Variants in FBXO4 observed in about 807,000 individuals in gnomAD.
The protein encoded by FBXO4 is F-box only protein 4.
In FBXO4, 36 loss-of-function variants were observed where a neutral mutation model predicts 43.7. The ratio of observed to expected loss-of-function variants is 0.82; its 90% CI spans 0.63 to 1.09. The LOEUF (loss-of-function observed/expected upper bound fraction) is 1.09, where lower values mean the gene tolerates loss of function less well. FBXO4 is among the 50% of genes least tolerant of loss of function. The pLI, the probability that FBXO4 is intolerant of heterozygous loss-of-function variation, is 0.00. For missense variants in FBXO4, 435 were observed against 474.1 expected, an observed-to-expected ratio of 0.92 and a Z score of 0.77; for synonymous variants, 180 against 165.6, an observed-to-expected ratio of 1.09 and a Z score of -0.67.
the FBXO4 span, among the ~76,000 whole-genome samples, chr5:42,020,831 A>G: frequency 6.6e-6 from 1 of 152,194 alleles, no homozygotes; most frequent in Non-Finnish European, 1.5e-5. Flanking sequence ...GCAAAGGGAA[A>G]GGGAGTTAGA....
chr5:42,040,199 CTTTG>C, the FBXO4 span, among the ~76,000 whole-genome samples: 127 of 152,052 alleles, frequency 8.4e-4, no homozygotes, highest in Non-Finnish European at 1.5e-3. Flanking sequence ...CTTTTCGCCA[CTTTG>C]TTTTTCTTCA....
In FBXO4 at chr5:41,925,348, G is replaced by A. The variant is rs1172550941; in HGVS notation, c.39G>A (p.Pro13=). 3 of 1,366,074 alleles carry A rather than the reference G, an allele frequency of 2.2e-6. No homozygotes were observed. Among genetic ancestry groups the A allele is most frequent in the Non-Finnish European group, 1.9e-6 (2 of 1,055,322 alleles). The allele number at this position is 1,366,074 out of a possible 1,614,324, so 84.6% of individuals were successfully genotyped here. ...GSEPRSGTNS[P]PPPFSDWGRL... ...AGCCGCGCAGCGGAACAAACTCGCC[G>A]CCGCCGCCCTTCAGCGACTGGGGCC... The change falls in exon 1 of 7, where the codon CCG becomes CCA. Residue 13 remains proline, a synonymous_variant. Transcript: ENST00000281623.
chr5:41,957,314 T>C, the FBXO4 span, among the ~76,000 whole-genome samples: 1 of 151,332 alleles, frequency 6.6e-6, no homozygotes, highest in Non-Finnish European at 1.5e-5. Context: ...TCTCTTTGTG[T>C]TTTAGTCTGA....
At chr5:42,024,997 T>A in the FBXO4 span, among the ~76,000 whole-genome samples, 1 of 152,068 alleles carries the variant, frequency 6.6e-6, no homozygotes, top group Non-Finnish European at 1.5e-5. Context: ...TTGTGAACAG[T>A]GCCGCAACAA....
At chr5:41,974,376 A>G in the FBXO4 span, among the ~76,000 whole-genome samples, 1,017 of 152,162 alleles carry the variant, frequency 6.7e-3, 9 homozygotes, top group African/African-American at 0.022. Context: ...ATATTGTTCC[A>G]CAGCTCTTGG....
chr5:41,994,556 T>A, the FBXO4 span, among the ~76,000 whole-genome samples: 7 of 152,194 alleles, frequency 4.6e-5, no homozygotes, highest in Non-Finnish European at 7.3e-5. Context: ...CGGATTGGAC[T>A]GTTGTAGTTT....
chr5:41,966,132 C>A, the FBXO4 span, among the ~76,000 whole-genome samples: 1 of 152,210 alleles, frequency 6.6e-6, no homozygotes, highest in Middle Eastern at 3.4e-3. Flanking sequence ...GAACATCACA[C>A]ACCAGGGCCT....
At chr5:41,961,201 A>G in the FBXO4 span, among the ~76,000 whole-genome samples, 1 of 152,126 alleles carries the variant, frequency 6.6e-6, no homozygotes, top group African/African-American at 2.4e-5. Flanking sequence ...GGTTACAGGC[A>G]TCTTCAGTGG....
the FBXO4 span, among the ~76,000 whole-genome samples, chr5:42,023,703 A>T: frequency 6.6e-6 from 1 of 151,886 alleles, no homozygotes. Flanking sequence ...ATCATAGCAC[A>T]CCCTGAAATA....
chr5:41,982,955 G>A, the FBXO4 span, among the ~76,000 whole-genome samples: 1 of 152,070 alleles, frequency 6.6e-6, no homozygotes, highest in African/African-American at 2.4e-5. Flanking sequence ...ATTTATAAGT[G>A]AGAACATGTG....
chr5:42,008,610 A>G, the FBXO4 span, among the ~76,000 whole-genome samples: 1 of 152,076 alleles, frequency 6.6e-6, no homozygotes, highest in South Asian at 2.1e-4. Context: ...TCTTGGTTAT[A>G]TTGCCTCTTT....
chr5:41,987,075 G>A, the FBXO4 span, among the ~76,000 whole-genome samples: 67 of 152,144 alleles, frequency 4.4e-4, no homozygotes, highest in Middle Eastern at 3.4e-3. Context: ...ATAACACACA[G>A]GAGTTTGTTT....
At chr5:42,007,309 T>C in the FBXO4 span, among the ~76,000 whole-genome samples, 1 of 152,092 alleles carries the variant, frequency 6.6e-6, no homozygotes. Flanking sequence ...ATTTTTATCA[T>C]ATTTTTACTG....
chr5:42,000,325 T>C, the FBXO4 span, among the ~76,000 whole-genome samples: 1 of 152,198 alleles, frequency 6.6e-6, no homozygotes, highest in Non-Finnish European at 1.5e-5. Context: ...AAGATACTGA[T>C]TGCATTTCAT....
chr5:41,998,085 T>C, the FBXO4 span, among the ~76,000 whole-genome samples: 1 of 152,182 alleles, frequency 6.6e-6, no homozygotes, highest in Non-Finnish European at 1.5e-5. Context: ...AATTAGCTAA[T>C]GCCAAAGCGC....
At chr5:42,007,667 T>C in the FBXO4 span, among the ~76,000 whole-genome samples, 4 of 152,260 alleles carry the variant, frequency 2.6e-5, no homozygotes, top group East Asian at 7.7e-4. Flanking sequence ...CTAGAGCTAA[T>C]AAACGTTTGA....
chr5:42,027,330 GA>G, the FBXO4 span, among the ~76,000 whole-genome samples: 56,435 of 151,134 alleles, frequency 0.37, 12,687 homozygotes, highest in African/African-American at 0.64. Context: ...AATTAACTAT[GA>G]GCATACAGTT....
At chr5:42,028,749 C>G in the FBXO4 span, among the ~76,000 whole-genome samples, 1 of 151,194 alleles carries the variant, frequency 6.6e-6, no homozygotes, top group South Asian at 2.1e-4. Flanking sequence ...ATCTTATAAC[C>G]CATTATTTTA....
Position 41,929,788 on chromosome 5 carries a change from A to G in FBXO4, c.517A>G (p.Ile173Val). ...CACTTCTTTTTTACACTCCCTGATC[A>G]TTCAGAATGAACCACGATTTGCTAT... The part of the protein sequence containing the change: ...AVTSFLHSLI[I>V]QNEPRFAMFG... The change falls in exon 3 of 7, where the codon ATT (isoleucine) becomes GTT (valine). Residue 173 changes from isoleucine to valine, a missense_variant. Ile to Val is a conservative substitution (Grantham distance 29, BLOSUM62 3). Coordinates refer to ENST00000281623, the MANE Select transcript of FBXO4 (RefSeq NM_012176.3). 1.2e-5 allele frequency: 20 copies of G among 1,614,172 alleles called. No homozygotes were observed. The highest frequency in any genetic ancestry group is 1.7e-5 in the Non-Finnish European group (20 of 1,180,024).
Sources: gnomAD v4.1 joint callset for allele counts (sites outside exome capture counted in the v4.1 genomes callset) on GRCh38, gnomAD v4.1.1 for gene constraint, MANE v1.5 for transcripts, NCBI Gene and HGNC (gene_info 2026-07-23, HGNC 2026-07-21) for gene names.